Variants in KIF1C observed in about 807,000 individuals in gnomAD.
KIF1C encodes kinesin-like protein KIF1C.
A neutral mutation model predicts 126.5 loss-of-function variants in KIF1C; 61 were observed. The observed-to-expected ratio is 0.48, with a 90% CI of 0.39 to 0.60. KIF1C has a LOEUF of 0.60. Among genes scored for constraint, KIF1C ranks in the 20% least tolerant of loss-of-function variants. The pLI, the probability that KIF1C is intolerant of heterozygous loss-of-function variation, is 0.00. For missense variants in KIF1C, 1,315 were observed against 1,489.2 expected (o/e 0.88, Z 1.93); for synonymous variants, 640 against 580.6 (o/e 1.10, Z -1.47).
chr17:5,015,104 A>G (rs1345756947), intron 18 of KIF1C, among the ~76,000 whole-genome samples: 1 of 152,172 alleles, frequency 6.6e-6, no homozygotes, highest in Non-Finnish European at 1.5e-5. Flanking sequence ...GACACTAGTG[A>G]GCCAGAGTGT....
intron 16 of KIF1C, among the ~76,000 whole-genome samples, chr17:5,010,387 C>T (rs898829012): frequency 6.6e-6 from 1 of 152,136 alleles, no homozygotes; most frequent in Non-Finnish European, 1.5e-5. Flanking sequence ...CATAGTCTTA[C>T]AAATGGGTGT....
chr17:5,006,491 C>A (rs1218838088), intron 13 of KIF1C, among the ~76,000 whole-genome samples: 1 of 151,300 alleles, frequency 6.6e-6, no homozygotes, highest in African/African-American at 2.4e-5. Flanking sequence ...TGCCTGCCAC[C>A]ACACCAGGCT....
intron 18 of KIF1C, among the ~76,000 whole-genome samples, chr17:5,015,485 T>C (rs1387910030): frequency 6.6e-6 from 1 of 151,890 alleles, no homozygotes; most frequent in African/African-American, 2.4e-5. Context: ...GTTTCTCCCA[T>C]GTTGGTCAGG....
Position 5,001,211 on chromosome 17 carries a change from C to T in KIF1C, c.184-11C>T, listed in dbSNP as rs763668782. The T allele has an allele frequency of 2.5e-6, 4 of 1,613,330 alleles. No homozygotes were observed. The highest frequency in any genetic ancestry group is 2.7e-5 in the African/African-American group (2 of 74,864). On this transcript the variant is annotated splice_polypyrimidine_tract_variant and intron_variant, in intron 4 of 22. Transcript: ENST00000320785. ...GTTACTCTGTTTTTCTCTGCCCCCA[C>T]TTTCTCCTAGACGGAGGACCCCCAG... is the stretch of plus-strand genomic sequence containing the variant.
chr17:5,004,966 G>T lies in KIF1C; in HGVS notation c.1131G>T (p.Leu377=), dbSNP rs1036197861. The T allele has an allele frequency of 6.2e-7, 1 of 1,614,258 alleles. No homozygotes were observed. Residue 377 remains leucine (L), a synonymous_variant, in exon 13 of 23, where the codon CTG becomes CTT. Transcript: ENST00000320785. ...AAGTAGCCCGGCTGCGGGAACTGCT[G>T]ATGGCTCAGGGACTGTCAGCCTCTG... ...QEEVARLREL[L]MAQGLSASAL... is the part of the protein sequence containing the mutation.
In KIF1C at chr17:5,003,468, T is replaced by A; in HGVS notation, c.721-144T>A. 5 of 609,186 alleles carry A rather than the reference T, an allele frequency of 8.2e-6. No individual in the cohort carries two copies. The South Asian group carries it at 1.0e-4, about 12-fold the overall frequency. 37.7% of individuals were successfully genotyped at this position (609,186 alleles called of 1,614,324 possible). On this transcript the variant is annotated intron_variant, in intron 8 of 22. Transcript: ENST00000320785. ...ACCGTCTCACTGTTGTCACGTATTC[T>A]GTTTCCCCCGGCCTCCTCCCTCGCC...
Position 5,022,297 on chromosome 17 carries a change from C to T in KIF1C, c.2216C>T (p.Pro739Leu), listed in dbSNP as rs376385209. The T allele has an allele frequency of 1.2e-4, 200 of 1,611,964 alleles. No homozygotes were observed. Among genetic ancestry groups the T allele is most frequent in the Non-Finnish European group, 1.7e-4 (197 of 1,179,122 alleles). The change falls in exon 22 of 23, where the codon CCC becomes CTC. Residue 739 changes from proline (P) to leucine (L), a missense_variant. Around this residue, in one of 2 missense-constraint regions of KIF1C, gnomAD observed 874 missense variants for 1,053.2 expected, o/e 0.83. Transcript: ENST00000320785. This position sits in a 1 kb window ranked among gnomAD's most constrained non-coding sequence, Gnocchi z 4.9. ...CGACGCAGGCTGCAGGGCAAAGACC[C>T]CCGCTGGGCCACCATGGCTGACCTG... ...PQRRRLQGKDPRWATMADLKM... is the reference protein window; with the variant it reads ...PQRRRLQGKDLRWATMADLKM...
intron 16 of KIF1C, 50 bp downstream of exon 16, chr17:5,007,592 G>A (rs954847243): frequency 3.4e-6 from 5 of 1,455,494 alleles, no homozygotes; most frequent in Non-Finnish European, 4.6e-6. Context: ...TGGATGCCTA[G>A]AAAAGAGGCA....
In KIF1C at chr17:5,020,742, C is replaced by T. The variant is rs760113896; in HGVS notation, c.1937+64C>T. On this transcript the variant is annotated intron_variant, in intron 20 of 22. Coordinates refer to ENST00000320785, the MANE Select transcript of KIF1C (RefSeq NM_006612.6). This position sits in a 1 kb window ranked among gnomAD's most constrained non-coding sequence, Gnocchi z 5.8. Reference sequence around the variant, plus strand: ...GCCGTCCCTCCCGGGCCTCTGGGCCCGTGTCCTCCTCTTGTCAGATACTCA... The same window carrying T: ...GCCGTCCCTCCCGGGCCTCTGGGCCTGTGTCCTCCTCTTGTCAGATACTCA... 215 of 1,606,534 alleles carry T rather than the reference C, an allele frequency of 1.3e-4. No individual in the cohort carries two copies. Among genetic ancestry groups the T allele is most frequent in the Middle Eastern group, 6.6e-4 (4 of 6,040 alleles).
At position 5,002,853 on chromosome 17, in the gene KIF1C, C is replaced by T. The variant is rs770907929; in HGVS notation, c.720+11C>T. 4.3e-5 allele frequency: 33 copies of T among 763,334 alleles called. 1 individual carries two copies. The highest frequency in any genetic ancestry group is 8.6e-6 in the Non-Finnish European group (5 of 578,644). The allele number at this position is 763,334 out of a possible 1,614,324, so 47.3% of individuals were successfully genotyped here. ...CTGGACTCGGAGAAGGTGGGATCGC[C>T]CCCCCCCCCACTCCCCCACCGGATG... On this transcript the variant is annotated intron_variant, in intron 8 of 22. Coordinates refer to ENST00000320785, the MANE Select transcript of KIF1C (RefSeq NM_006612.6).
rs747587135 is a variant in KIF1C at position 5,022,680 on chromosome 17, C to T, written c.2599C>T (p.Arg867Cys). The change falls in exon 22 of 23, where the codon CGC becomes TGC. Residue 867 changes from arginine to cysteine, a missense_variant. Transcript: ENST00000320785. The surrounding 1 kb of genome is among the most constrained non-coding windows in gnomAD (Gnocchi z 4.9). ...GCAGGCCCTGCGGGACCGCATGCTC[C>T]GCATGGAGAGGGTCATCCCCCTGGC... ...ELQALRDRML[R>C]MERVIPLAQD... is the part of the protein sequence containing the mutation. 1.4e-5 allele frequency: 22 copies of T among 1,569,314 alleles called. No individual in the cohort carries two copies. Among genetic ancestry groups the T allele is most frequent in the Middle Eastern group, 1.7e-4 (1 of 5,860 alleles).
At chr17:5,010,702 A>C (rs188631509) in intron 16 of KIF1C, among the ~76,000 whole-genome samples, 2 of 151,178 alleles carry the variant, frequency 1.3e-5, no homozygotes, top group African/African-American at 2.4e-5. Flanking sequence ...AGCCGAGATC[A>C]TGCCACTGCA....
rs757513826 is a variant in KIF1C, at chr17:5,002,861, C to A, written c.720+19C>A. The A allele has an allele frequency of 7.8e-5, 105 of 1,353,154 alleles. No homozygotes were observed. Among genetic ancestry groups the A allele is most frequent in the Non-Finnish European group, 1.0e-4 (98 of 973,366 alleles). The allele number at this position is 1,353,154 out of a possible 1,614,324, so 83.8% of individuals were successfully genotyped here. A position where few individuals can be genotyped will look rare whatever the true frequency, so the allele number is the denominator to read the frequency against. ...GGAGAAGGTGGGATCGCCCCCCCCC[C>A]CACTCCCCCACCGGATGCAACCTCC... On this transcript the variant is annotated intron_variant, in intron 8 of 22. Transcript: ENST00000320785.
chr17:5,020,607 C>T lies in KIF1C; in HGVS notation c.1866C>T (p.Val622=), dbSNP rs376522106. 15 of 1,614,104 alleles carry T rather than the reference C, an allele frequency of 9.3e-6. No homozygotes were observed. Among genetic ancestry groups the T allele is most frequent in the African/African-American group, 5.3e-5 (4 of 74,942 alleles). The change falls in exon 20 of 23, where the codon GTC becomes GTT. Residue 622 remains valine, a synonymous_variant. Transcript: ENST00000320785. The surrounding 1 kb of genome is among the most constrained non-coding windows in gnomAD (Gnocchi z 5.8). ...PPPPGPPSEP[V]DWNFAQKELL... ...CCCCAGGACCGCCCTCTGAGCCAGTCGACTGGAACTTTGCCCAGAAGGAAC... is the reference window on the plus strand; with the variant it reads ...CCCCAGGACCGCCCTCTGAGCCAGTTGACTGGAACTTTGCCCAGAAGGAAC...
chr17:5,008,178 A>C (rs1974777631), intron 16 of KIF1C, among the ~76,000 whole-genome samples: 1 of 152,216 alleles, frequency 6.6e-6, no homozygotes, highest in African/African-American at 2.4e-5. Context: ...TAGGTACCTA[A>C]TAAATCTTTG....
chr17:5,014,829 A>T lies in KIF1C; in HGVS notation c.1658A>T (p.Asp553Val), dbSNP rs754799167. 3.8e-6 allele frequency: 6 copies of T among 1,591,146 alleles called. No homozygotes were observed. Among genetic ancestry groups the T allele is most frequent in the Non-Finnish European group, 5.1e-6 (6 of 1,168,926 alleles). The change falls in exon 18 of 23, where the codon GAT (aspartate) becomes GTT (valine). Residue 553 changes from aspartate (D) to valine (V), a missense_variant. By Grantham distance (152) the Asp-to-Val change is radical. Around this residue, in one of 2 missense-constraint regions of KIF1C, gnomAD observed 874 missense variants for 1,053.2 expected, o/e 0.83. Transcript: ENST00000320785. ...CTGTTCCGGAGCATCCCCCAGCCAGATGGAGAAGGTAATGGCTGAGGGGGT... is the reference window on the plus strand; with the variant it reads ...CTGTTCCGGAGCATCCCCCAGCCAGTTGGAGAAGGTAATGGCTGAGGGGGT... The part of the protein sequence containing the change: ...HCLFRSIPQP[D>V]GEVVVTLEPC...
chr17:5,000,386 G>T, intron 3 of KIF1C, 34 bp downstream of exon 3: 1 of 1,422,302 alleles, frequency 7.0e-7, no homozygotes, highest in African/African-American at 1.4e-5. Context: ...CTGGGCACAG[G>T]CAGGGAAGGC....
chr17:4,999,732 G>A (rs952879263), intron 1 of KIF1C, 118 bp from the exon 2 acceptor site: 2 of 166,322 alleles, frequency 1.2e-5, no homozygotes, highest in Non-Finnish European at 2.7e-5. Flanking sequence ...ACTCTAGAGG[G>A]GCAGCTGTCC....
At position 5,000,869 on chromosome 17, in the gene KIF1C, A is replaced by G. The variant is rs1004065; in HGVS notation, c.183+21A>G. The G allele has an allele frequency of 0.058, 93,089 of 1,608,424 alleles. 3,499 individuals are homozygous for G. Among genetic ancestry groups the G allele is most frequent in the East Asian group, 0.21 (9,430 of 44,818 alleles). ...CTTCGGTGGGTTGTTGGGCTGGGGG[A>G]AGAGCAAGGCAGTGAGAGACAGAGG... On this transcript the variant is annotated intron_variant, in intron 4 of 22. Transcript: ENST00000320785.
Sources: gnomAD v4.1 joint callset for allele counts (sites outside exome capture counted in the v4.1 genomes callset) on GRCh38, gnomAD v4.1.1 for gene constraint, gnomAD v4.1.1 regional missense constraint, Gnocchi (gnomAD v3.1) non-coding constraint, MANE v1.5 for transcripts, NCBI Gene and HGNC (gene_info 2026-07-23, HGNC 2026-07-21) for gene names.